Variants in PREX1 observed in about 807,000 individuals in gnomAD.
PREX1 encodes the protein phosphatidylinositol-3,4,5-trisphosphate dependent Rac exchange factor 1, also known as phosphatidylinositol 3,4,5-trisphosphate-dependent Rac exchanger 1 protein.
Under a neutral mutation model 198.3 loss-of-function variants are expected in PREX1, and 41 were observed. That is an observed-to-expected ratio of 0.21 (90% CI 0.16 to 0.27). The LOEUF is 0.27. PREX1 is among the 10% of genes least tolerant of loss of function. The probability of loss-of-function intolerance (pLI) is 1.00; values close to 1 mark genes in which losing one functional copy is unlikely to be tolerated. For missense variants in PREX1, 1,620 were observed against 2,200.7 expected, an observed-to-expected ratio of 0.74 and a Z score of 5.28; for synonymous variants, 843 against 887.2, an observed-to-expected ratio of 0.95 and a Z score of 0.89.
chr20:48,700,847 G>T lies in PREX1; in HGVS notation c.823C>A (p.Gln275Lys). The T allele has an allele frequency of 2.5e-6, 4 of 1,614,196 alleles. No homozygotes were observed. Among genetic ancestry groups the T allele is most frequent in the Non-Finnish European group, 3.4e-6 (4 of 1,180,034 alleles). ...GCAGAGATCTTTAACAAAGTCCCTTGCAGGAGGAGCTGAGTGCAGATGTCT... is the reference window on the plus strand; with the variant it reads ...GCAGAGATCTTTAACAAAGTCCCTTTCAGGAGGAGCTGAGTGCAGATGTCT... Reference protein sequence around the residue: ...LTDICTQLLLQGTLLKISAGN... With the variant: ...LTDICTQLLLKGTLLKISAGN... Residue 275 changes from glutamine to lysine, a missense_variant, in exon 7 of 40, where the codon CAA becomes AAA. Gln to Lys is a moderately conservative substitution (Grantham distance 53). This residue lies in a region of PREX1 where 488 missense variants were observed against 802.5 expected (regional missense o/e 0.61). Transcript: ENST00000371941.
chr20:48,832,481 C>G (rs141512114), upstream of PREX1, among the ~76,000 whole-genome samples: 1 of 152,158 alleles, frequency 6.6e-6, no homozygotes, highest in African/African-American at 2.4e-5. Flanking sequence ...CTGCACTGCC[C>G]GAGGGTGCCA....
chr20:48,673,853 C>T (rs1431843473), intron 14 of PREX1, among the ~76,000 whole-genome samples: 1 of 152,204 alleles, frequency 6.6e-6, no homozygotes, highest in African/African-American at 2.4e-5. Context: ...TGAGCAATTA[C>T]TCTATGTCAG....
intron 5 of PREX1, among the ~76,000 whole-genome samples, chr20:48,721,629 A>C (rs2089986214): frequency 6.6e-6 from 1 of 152,226 alleles, no homozygotes; most frequent in Non-Finnish European, 1.5e-5. Flanking sequence ...ACAGCAAAGA[A>C]CTTGGACCTT....
At chr20:48,737,483 G>A (rs2090062240) in intron 3 of PREX1, among the ~76,000 whole-genome samples, 1 of 152,172 alleles carries the variant, frequency 6.6e-6, no homozygotes, top group Admixed American at 6.5e-5. Flanking sequence ...CACTGGCAGA[G>A]AGCAGGTATT....
intron 7 of PREX1, among the ~76,000 whole-genome samples, chr20:48,698,818 G>A (rs1419182365): frequency 2.0e-5 from 3 of 152,180 alleles, no homozygotes; most frequent in Non-Finnish European, 2.9e-5. Context: ...CTACTGTGCT[G>A]TGCACTCACT....
At chr20:48,645,781 C>A in intron 26 of PREX1, 70 bp downstream of exon 26, 1 of 1,526,598 alleles carries the variant, frequency 6.6e-7, no homozygotes, top group Non-Finnish European at 8.9e-7. Context: ...CTGATGTTGC[C>A]ACGGGTCCGT....
intron 3 of PREX1, among the ~76,000 whole-genome samples, chr20:48,736,411 T>C (rs541053470): frequency 2.0e-5 from 3 of 152,312 alleles, no homozygotes; most frequent in Admixed American, 6.5e-5. Flanking sequence ...AATGTCAGCA[T>C]GCACATGGAC....
intron 14 of PREX1, among the ~76,000 whole-genome samples, chr20:48,668,585 C>T (rs1468519510): frequency 3.9e-5 from 6 of 152,210 alleles, no homozygotes; most frequent in Non-Finnish European, 8.8e-5. Flanking sequence ...GATTTTCCAA[C>T]CAGAGGAGAC....
At chr20:48,642,663 G>C (rs1200373616) in intron 27 of PREX1, 174 bp from the exon 28 acceptor site, 1 of 574,418 alleles carries the variant, frequency 1.7e-6, no homozygotes, top group Non-Finnish European at 3.0e-6. Context: ...ACCTCTCTGA[G>C]CCTCAGTTTC....
intron 10 of PREX1, among the ~76,000 whole-genome samples, chr20:48,683,064 G>A (rs1601073562): frequency 6.6e-6 from 1 of 152,330 alleles, no homozygotes; most frequent in Non-Finnish European, 1.5e-5. Context: ...GGCGCCCCAG[G>A]TGGGGAAGGG....
At chr20:48,807,039 G>T (rs1315074399) in intron 1 of PREX1, among the ~76,000 whole-genome samples, 1 of 152,234 alleles carries the variant, frequency 6.6e-6, no homozygotes, top group Non-Finnish European at 1.5e-5. Flanking sequence ...GCTGAAGATG[G>T]AGGTGAGCCA....
chr20:48,784,475 AC>A (rs972852838), intron 1 of PREX1, among the ~76,000 whole-genome samples: 9 of 151,808 alleles, frequency 5.9e-5, no homozygotes, highest in Non-Finnish European at 1.2e-4. Flanking sequence ...TCTAGACTCT[AC>A]CCCCGCCACC....
chr20:48,810,525 T>TG, intron 1 of PREX1, among the ~76,000 whole-genome samples: 1 of 146,168 alleles, frequency 6.8e-6, no homozygotes, highest in Non-Finnish European at 1.5e-5. Context: ...GAGGCTGCAG[T>TG]GAGCTATGAT....
At chr20:48,805,596 CCA>C (rs1427389945) in intron 1 of PREX1, among the ~76,000 whole-genome samples, 5 of 152,324 alleles carry the variant, frequency 3.3e-5, no homozygotes, top group Non-Finnish European at 7.4e-5. Context: ...GCAGCCAGCA[CCA>C]CACACAGGGC....
the PREX1 span, among the ~76,000 whole-genome samples, chr20:48,853,801 A>G: frequency 1.3e-5 from 2 of 152,218 alleles, no homozygotes; most frequent in African/African-American, 4.8e-5. Flanking sequence ...GCTGAGTGAC[A>G]TCAAGCAAGA....
rs370665829 is a variant in PREX1, at chr20:48,641,606, G to A, written c.3775+562C>T. Reference sequence around the variant, plus strand: ...GTTCAAAACCAGCCATGGCTACAAGGCAAACCATGTCTCTACCAAAAAAAA... The same window carrying A: ...GTTCAAAACCAGCCATGGCTACAAGACAAACCATGTCTCTACCAAAAAAAA... On this transcript the variant is annotated intron_variant, in intron 29 of 39. Coordinates refer to ENST00000371941, the MANE Select transcript of PREX1 (RefSeq NM_020820.4). 1.9e-4 allele frequency among the ~76,000 whole-genome samples: 28 copies of A among 151,326 alleles called. No individual in the cohort carries two copies. In the East Asian group the frequency reaches 3.1e-3, roughly 17 times the overall value.
chr20:48,815,498 T>G (rs1168956979), intron 1 of PREX1, among the ~76,000 whole-genome samples: 1 of 152,056 alleles, frequency 6.6e-6, no homozygotes, highest in South Asian at 2.1e-4. Flanking sequence ...TATGTGGAGA[T>G]CAATGCAATC....
At chr20:48,743,987 TTAG>T (rs2090094994) in intron 3 of PREX1, among the ~76,000 whole-genome samples, 1 of 143,116 alleles carries the variant, frequency 7.0e-6, no homozygotes, top group African/African-American at 2.5e-5. Flanking sequence ...GAGAAGTGAG[TTAG>T]TGATGATGAT....
chr20:48,743,478 C>A (rs549595051), intron 3 of PREX1, among the ~76,000 whole-genome samples: 1 of 152,192 alleles, frequency 6.6e-6, no homozygotes. Context: ...CTCACAGCAG[C>A]CAAAGGGCCT....
Sources: allele counts gnomAD v4.1 joint callset (sites outside exome capture counted in the v4.1 genomes callset), GRCh38; gene constraint gnomAD v4.1.1; regional missense constraint gnomAD v4.1.1; transcripts MANE v1.5; gene names NCBI Gene and HGNC (gene_info 2026-07-23, HGNC 2026-07-21).